The following CDIP1 variants were observed in gnomAD, a reference collection of about 807,000 sequenced individuals.
The protein encoded by CDIP1 is cell death-inducing p53-target protein 1.
In CDIP1, 9 loss-of-function variants were observed where a neutral mutation model predicts 17.7. The ratio of observed to expected loss-of-function variants is 0.51; its 90% CI spans 0.31 to 0.89. CDIP1 has a LOEUF of 0.89. Ranked by LOEUF, CDIP1 falls within the 40% of genes least tolerant of loss-of-function variation. The pLI is 0.05. For synonymous variants in CDIP1, 117 were observed against 109.5 expected, an observed-to-expected ratio of 1.07 and a Z score of -0.43; for missense variants, 263 against 277.9, an observed-to-expected ratio of 0.95 and a Z score of 0.38.
chr16:4,525,996 G>A (rs2058995855), intron 1 of CDIP1, among the ~76,000 whole-genome samples: 1 of 152,140 alleles, frequency 6.6e-6, no homozygotes, highest in African/African-American at 2.4e-5. Context: ...TTCAAAACAA[G>A]CTCAACTTAA....
At chr16:4,522,028 C>G (rs538238085) in intron 1 of CDIP1, among the ~76,000 whole-genome samples, 9 of 152,316 alleles carry the variant, frequency 5.9e-5, no homozygotes, top group African/African-American at 2.2e-4. Context: ...CCTTCTGATT[C>G]CCAACGAGGG....
intron 1 of CDIP1, among the ~76,000 whole-genome samples, chr16:4,515,462 AAACTT>A (rs1433136257): frequency 1.2e-4 from 18 of 152,354 alleles, no homozygotes; most frequent in East Asian, 3.8e-4. Context: ...AAAAGAAAGA[AAACTT>A]AAAGTGGATG....
intron 1 of CDIP1, among the ~76,000 whole-genome samples, chr16:4,527,496 T>G (rs1296204408): frequency 2.6e-5 from 4 of 152,194 alleles, no homozygotes; most frequent in African/African-American, 7.2e-5. Flanking sequence ...TGACAATTAC[T>G]GTGCAATTTA....
chr16:4,537,766 A>G (rs1397400237), intron 1 of CDIP1, among the ~76,000 whole-genome samples: 1 of 152,170 alleles, frequency 6.6e-6, no homozygotes, highest in African/African-American at 2.4e-5. Flanking sequence ...TCTTGAGCCC[A>G]CCTTTGGAGG....
chr16:4,516,268 G>A (rs2058886662), intron 1 of CDIP1, among the ~76,000 whole-genome samples: 1 of 152,106 alleles, frequency 6.6e-6, no homozygotes, highest in Non-Finnish European at 1.5e-5. Flanking sequence ...CTGGGGGAGA[G>A]GGGAAATGGG....
intron 1 of CDIP1, among the ~76,000 whole-genome samples, chr16:4,519,781 TCCCCTCC>T (rs1258993500): frequency 6.6e-6 from 1 of 151,494 alleles, no homozygotes; most frequent in Admixed American, 6.6e-5. Flanking sequence ...GCCCAGCGCT[TCCCCTCC>T]CCTTCTCACC....
Position 4,512,289 on chromosome 16 carries a change from C to A in CDIP1, c.*283G>T. 1.9e-6 allele frequency: 1 copy of A among 523,122 alleles called. No homozygotes were observed. Among genetic ancestry groups the A allele is most frequent in the Non-Finnish European group, 3.5e-6 (1 of 287,604 alleles). 32.4% of individuals were successfully genotyped at this position (523,122 alleles called of 1,614,324 possible). On this transcript the variant is annotated 3_prime_UTR_variant, in exon 6 of 6. Coordinates refer to ENST00000567695, the MANE Select transcript of CDIP1 (RefSeq NM_013399.3). This position sits in a 1 kb window ranked among gnomAD's most constrained non-coding sequence, Gnocchi z 4.6. ...GGCATCAGGACCCCAGCAGGAGACC[C>A]CTCCCAGCTTATCTTCCCGATCACA... is the stretch of plus-strand genomic sequence containing the variant.
In CDIP1 at chr16:4,511,122, C is replaced by T. The variant is rs2058823358; in HGVS notation, c.*1450G>A. The T allele has an allele frequency of 6.6e-6, 1 of 152,276 alleles. No homozygotes were observed. Among genetic ancestry groups the T allele is most frequent in the Non-Finnish European group, 1.5e-5 (1 of 68,078 alleles). The allele number at this position is 152,276 out of a possible 1,614,324, so 9.4% of individuals were successfully genotyped here. On this transcript the variant is annotated 3_prime_UTR_variant, in exon 6 of 6. Coordinates refer to ENST00000567695, the MANE Select transcript of CDIP1 (RefSeq NM_013399.3). ...CTGGCCCAGTCACAGCTGGAAATCC[C>T]AGGGCTGGTCTACACCCGACTCTGG...
At position 4,527,712 on chromosome 16, in the gene CDIP1, T is replaced by C. The variant is rs546620779; in HGVS notation, c.-105+10990A>G. 2.4e-3 allele frequency among the ~76,000 whole-genome samples: 373 copies of C among 152,322 alleles called. 2 individuals carry two copies. The highest frequency in any genetic ancestry group is 2.9e-3 in the Non-Finnish European group (194 of 68,024). On this transcript the variant is annotated intron_variant, in intron 1 of 5. Transcript: ENST00000567695. ...GTGAACACAGATTCACAGGCAAAGA[T>C]GTTTATATGCACCACTGTCTTGATG...
intron 1 of CDIP1, among the ~76,000 whole-genome samples, chr16:4,520,204 CG>C (rs2058931106): frequency 6.6e-6 from 1 of 151,966 alleles, no homozygotes; most frequent in African/African-American, 2.4e-5. Flanking sequence ...CTCCGCCTCC[CG>C]GGTTCAAGCG....
In CDIP1 at chr16:4,514,253, A is replaced by G. The variant is rs1343497216; in HGVS notation, c.-14-109T>C. 1.6e-6 allele frequency: 1 copy of G among 641,510 alleles called. No homozygotes were observed. Among genetic ancestry groups the G allele is most frequent in the African/African-American group, 2.0e-5 (1 of 50,862 alleles). The allele number at this position is 641,510 out of a possible 1,614,324, so 39.7% of individuals were successfully genotyped here. A position where few individuals can be genotyped will look rare whatever the true frequency, so the allele number is the denominator to read the frequency against. ...CTGCACAAGGCGTGTGACCATCCTC[A>G]GAAGGGTCTGCCTCCAGGCACTGGG... On this transcript the variant is annotated intron_variant, in intron 2 of 5. Transcript: ENST00000567695. This position sits in a 1 kb window ranked among gnomAD's most constrained non-coding sequence, Gnocchi z 5.2.
At chr16:4,521,700 TAAAAAAAAAA>T (rs111828421) in intron 1 of CDIP1, among the ~76,000 whole-genome samples, 3,083 of 90,592 alleles carry the variant, frequency 0.034, 119 homozygotes, top group African/African-American at 0.12. Flanking sequence ...TCATCAATAT[TAAAAAAAAAA>T]AAAAAAAAAA....
chr16:4,531,957 G>A (rs777978869), intron 1 of CDIP1, among the ~76,000 whole-genome samples: 6 of 152,262 alleles, frequency 3.9e-5, no homozygotes, highest in African/African-American at 7.2e-5. Context: ...GACACAGAAC[G>A]TGCTGTTTCC....
chr16:4,532,228 G>A (rs531938627), intron 1 of CDIP1: 1 of 152,216 alleles, frequency 6.6e-6, no homozygotes, highest in Non-Finnish European at 1.5e-5. Context: ...CAGGCATGGT[G>A]TATCATTTTA....
chr16:4,523,433 G>C (rs1473909160), intron 1 of CDIP1, among the ~76,000 whole-genome samples: 1 of 152,112 alleles, frequency 6.6e-6, no homozygotes, highest in South Asian at 2.1e-4. Context: ...AGAATCACTT[G>C]AACCCAGGAG....
chr16:4,513,929 G>A lies in CDIP1; in HGVS notation c.86-78C>T, dbSNP rs1191202528. 7.0e-7 allele frequency: 1 copy of A among 1,426,316 alleles called. No homozygotes were observed. Among genetic ancestry groups the A allele is most frequent in the African/African-American group, 1.4e-5 (1 of 68,992 alleles). The allele number at this position is 1,426,316 out of a possible 1,614,324, so 88.4% of individuals were successfully genotyped here. A position where few individuals can be genotyped will look rare whatever the true frequency, so the allele number is the denominator to read the frequency against. ...AGCTCGACCAGAGGCCACTGTTTTGGGACACAGATGGGGCCCAGGGGTAAC... is the reference window on the plus strand; with the variant it reads ...AGCTCGACCAGAGGCCACTGTTTTGAGACACAGATGGGGCCCAGGGGTAAC... On this transcript the variant is annotated intron_variant, in intron 3 of 5. Transcript: ENST00000567695. The surrounding 1 kb of genome is among the most constrained non-coding windows in gnomAD (Gnocchi z 4.1).
At chr16:4,516,330 G>T (rs2058887347) in intron 1 of CDIP1, among the ~76,000 whole-genome samples, 1 of 152,160 alleles carries the variant, frequency 6.6e-6, no homozygotes, top group Admixed American at 6.5e-5. Flanking sequence ...ACCGATTGTA[G>T]CAACAGTTGA....
At chr16:4,518,969 C>T (rs1344509951) in intron 1 of CDIP1, among the ~76,000 whole-genome samples, 1 of 152,164 alleles carries the variant, frequency 6.6e-6, no homozygotes, top group East Asian at 1.9e-4. Context: ...CTTGCGGGGT[C>T]TGGGGAGCCC....
chr16:4,532,480 A>C (rs2059066190), intron 1 of CDIP1: 1 of 152,370 alleles, frequency 6.6e-6, no homozygotes, highest in South Asian at 2.1e-4. Flanking sequence ...CTGAGCAGGG[A>C]ACACTCCGTG....
Sources: allele counts gnomAD v4.1 joint callset (sites outside exome capture counted in the v4.1 genomes callset), GRCh38; gene constraint gnomAD v4.1.1; non-coding constraint Gnocchi (gnomAD v3.1); transcripts MANE v1.5; gene names NCBI Gene and HGNC (gene_info 2026-07-23, HGNC 2026-07-21).